AGBL1: variants seen among roughly 807,000 people sequenced by gnomAD.
AGBL1 encodes the protein cytosolic carboxypeptidase 4.
AGBL1 carries 130 observed loss-of-function variants against 118.9 expected under a neutral mutation model. The ratio of observed to expected loss-of-function variants is 1.09; its 90% confidence interval spans 0.95 to 1.26. The LOEUF is 1.26. AGBL1 is among the 50% of genes most tolerant of loss of function. The pLI is 0.00. For synonymous variants in AGBL1, 555 were observed against 478.9 expected (o/e 1.16, Z -2.08); for missense variants, 1,584 against 1,298.1 (o/e 1.22, Z -3.38).
intron 22 of AGBL1, among the ~76,000 whole-genome samples, chr15:86,722,148 A>G (rs998137327): frequency 7.2e-5 from 11 of 152,186 alleles, no homozygotes; most frequent in African/African-American, 2.7e-4. Context: ...CAGAATTGGA[A>G]AAAACTACTT....
At chr15:86,606,441 G>C (rs2084578828) in intron 21 of AGBL1, among the ~76,000 whole-genome samples, 1 of 152,160 alleles carries the variant, frequency 6.6e-6, no homozygotes, top group Non-Finnish European at 1.5e-5. Flanking sequence ...CTCCAGGGAA[G>C]GGATATAAAG....
At chr15:86,497,912 T>C (rs2082873763) in intron 18 of AGBL1, among the ~76,000 whole-genome samples, 1 of 151,960 alleles carries the variant, frequency 6.6e-6, no homozygotes, top group East Asian at 1.9e-4. Flanking sequence ...ATTTAGATAT[T>C]TCTTGTCTGT....
At chr15:86,520,570 G>T (rs2083175548) in intron 18 of AGBL1, among the ~76,000 whole-genome samples, 1 of 152,178 alleles carries the variant, frequency 6.6e-6, no homozygotes, top group Non-Finnish European at 1.5e-5. Flanking sequence ...CCCTGAACTT[G>T]GTTTCCATGG....
At chr15:86,576,293 T>G (rs957411181) in intron 21 of AGBL1, among the ~76,000 whole-genome samples, 2 of 152,076 alleles carry the variant, frequency 1.3e-5, no homozygotes, top group Admixed American at 1.3e-4. Flanking sequence ...TAGTAAAATT[T>G]AATTGAGAGA....
chr15:86,433,502 C>A (rs1039453867), intron 18 of AGBL1, among the ~76,000 whole-genome samples: 5 of 151,976 alleles, frequency 3.3e-5, no homozygotes, highest in Admixed American at 2.0e-4. Flanking sequence ...CTAAGAAAAC[C>A]AGTTGCTCCC....
chr15:86,650,785 C>T (rs906865595), intron 21 of AGBL1, among the ~76,000 whole-genome samples: 1 of 152,190 alleles, frequency 6.6e-6, no homozygotes, highest in Non-Finnish European at 1.5e-5. Flanking sequence ...CTTTCCCGAG[C>T]TCCCTCATCT....
At chr15:86,449,453 A>T (rs145214878) in intron 18 of AGBL1, among the ~76,000 whole-genome samples, 1 of 152,336 alleles carries the variant, frequency 6.6e-6, no homozygotes, top group Non-Finnish European at 1.5e-5. Context: ...ACAGTGGTAC[A>T]GTGGTTGAAC....
chr15:86,975,120 T>A (rs72757463), intron 23 of AGBL1, among the ~76,000 whole-genome samples: 6,074 of 152,026 alleles, frequency 0.04, 151 homozygotes, highest in Middle Eastern at 0.068. Context: ...AGAGATAAAA[T>A]GTCCCACAGT....
chr15:86,938,327 C>T (rs745662649), intron 23 of AGBL1, among the ~76,000 whole-genome samples: 2 of 152,124 alleles, frequency 1.3e-5, no homozygotes, highest in South Asian at 2.1e-4. Context: ...GATATGATGG[C>T]TTGAGTGTCA....
chr15:87,028,991 T>C, exon 25 of AGBL1: 2 of 713,354 alleles, frequency 2.8e-6, no homozygotes, highest in Admixed American at 2.8e-5. Flanking sequence ...TTATCTAGTA[T>C]ATCTACCTCC....
At position 86,397,811 on chromosome 15, in the gene AGBL1, C is replaced by T. The variant is rs541146699; in HGVS notation, c.2555+265C>T. 5.3e-5 allele frequency among the ~76,000 whole-genome samples: 8 copies of T among 152,224 alleles called. No homozygotes were observed. In the South Asian group the frequency reaches 1.7e-3, roughly 32 times the overall value. On this transcript the variant is annotated intron_variant, in intron 18 of 22. Transcript: ENST00000614907. ...GACCAGTCTGGGCAACACAGTGAGA[C>T]CCCACCTCTACAAAACAAATTAATT... is the stretch of plus-strand genomic sequence containing the variant.
intron 3 of AGBL1, among the ~76,000 whole-genome samples, chr15:86,151,186 A>G (rs1408960368): frequency 2.0e-5 from 3 of 151,986 alleles, no homozygotes; most frequent in African/African-American, 4.8e-5. Context: ...GCATTGGGAG[A>G]TATACCTAAT....
chr15:86,607,336 G>T (rs934369740), intron 21 of AGBL1, among the ~76,000 whole-genome samples: 3 of 152,136 alleles, frequency 2.0e-5, no homozygotes, highest in Non-Finnish European at 4.4e-5. Flanking sequence ...GATGTGCTTG[G>T]TTCATTCTCT....
chr15:86,538,804 G>C (rs2083457772), intron 19 of AGBL1, among the ~76,000 whole-genome samples: 1 of 152,202 alleles, frequency 6.6e-6, no homozygotes, highest in South Asian at 2.1e-4. Flanking sequence ...ATCAGGAATA[G>C]GTGAGCCCTG....
intron 18 of AGBL1, among the ~76,000 whole-genome samples, chr15:86,508,137 T>C (rs1663975784): frequency 1.3e-5 from 2 of 151,848 alleles, no homozygotes; most frequent in African/African-American, 4.8e-5. Context: ...TTGGCCAGGA[T>C]GATCTCGATC....
chr15:86,589,476 A>T (rs2084302563), intron 21 of AGBL1, among the ~76,000 whole-genome samples: 1 of 152,200 alleles, frequency 6.6e-6, no homozygotes, highest in African/African-American at 2.4e-5. Context: ...GCACAATAAG[A>T]TTCGATATGC....
chr15:86,749,532 A>G (rs2077814172), intron 22 of AGBL1, among the ~76,000 whole-genome samples: 1 of 152,074 alleles, frequency 6.6e-6, no homozygotes, highest in Non-Finnish European at 1.5e-5. Flanking sequence ...CCCTGGCCAG[A>G]ACTTCCAACA....
At chr15:86,603,509 C>T (rs898723694) in intron 21 of AGBL1, among the ~76,000 whole-genome samples, 2 of 152,036 alleles carry the variant, frequency 1.3e-5, no homozygotes, top group Admixed American at 6.6e-5. Context: ...CCCCCTTAGC[C>T]CCCTATTTTC....
intron 17 of AGBL1, among the ~76,000 whole-genome samples, chr15:86,343,448 C>A (rs1222832506): frequency 2.0e-5 from 3 of 152,082 alleles, no homozygotes; most frequent in Non-Finnish European, 4.4e-5. Flanking sequence ...CCTGTACTAT[C>A]CTTGCTGATT....
Sources: gnomAD v4.1 joint callset for allele counts (sites outside exome capture counted in the v4.1 genomes callset) on GRCh38, gnomAD v4.1.1 for gene constraint, MANE v1.5 for transcripts, NCBI Gene and HGNC (gene_info 2026-07-23, HGNC 2026-07-21) for gene names.